Variants in USF3 observed in about 807,000 individuals in gnomAD.
USF3 encodes basic helix-loop-helix domain-containing protein USF3.
A neutral mutation model predicts 157.5 loss-of-function variants in USF3; 29 were observed. The ratio of observed to expected loss-of-function variants is 0.18; its 90% CI spans 0.14 to 0.25. The LOEUF (loss-of-function observed/expected upper bound fraction) is 0.25. USF3 is among the 10% of genes least tolerant of loss of function. USF3 has a pLI of 1.00. For synonymous variants in USF3, 893 were observed against 941.4 expected (o/e 0.95, Z 0.94); for missense variants, 2,381 against 2,667.6 (o/e 0.89, Z 2.37).
chr3:113,663,491 A>G lies in USF3; in HGVS notation c.256+822T>C, dbSNP rs1331674490. Among the ~76,000 whole-genome samples, 10 of 152,356 alleles carry G rather than the reference A, an allele frequency of 6.6e-5. No homozygotes were observed. In the East Asian group the frequency reaches 9.6e-4, roughly 15 times the overall value. On this transcript the variant is annotated intron_variant, in intron 6 of 6. Coordinates refer to ENST00000316407, the MANE Select transcript of USF3 (RefSeq NM_001009899.4). ...GCTGCTAATATTTAACTAAAAGTAA[A>G]CAAGGAGAATTCTGAATGCTGACCT...
At chr3:113,683,562 G>A (rs575814631) in intron 1 of USF3, among the ~76,000 whole-genome samples, 23 of 134,620 alleles carry the variant, frequency 1.7e-4, no homozygotes, top group Non-Finnish European at 2.5e-4. Flanking sequence ...TCCACCTCCC[G>A]GATTCAAGCA....
intron 1 of USF3, among the ~76,000 whole-genome samples, chr3:113,690,453 CA>C (rs1242258071): frequency 6.6e-6 from 1 of 152,172 alleles, no homozygotes; most frequent in African/African-American, 2.4e-5. Flanking sequence ...GCATCATATC[CA>C]AACTCCAGGT....
chr3:113,682,127 C>T (rs1707446609), intron 1 of USF3, among the ~76,000 whole-genome samples: 1 of 152,088 alleles, frequency 6.6e-6, no homozygotes, highest in South Asian at 2.1e-4. Flanking sequence ...AGTTCAAGAC[C>T]AGCCTAGGCA....
In USF3 at chr3:113,656,304, G is replaced by C. The variant is rs1947357007; in HGVS notation, c.5378C>G (p.Ser1793Cys). Residue 1793 changes from serine to cysteine, a missense_variant, in exon 7 of 7, where the codon TCT becomes TGT. Around this residue, in one of 6 missense-constraint regions of USF3, gnomAD observed 770 missense variants for 824.2 expected, o/e 0.93. Transcript: ENST00000316407. ...TGGGATGCTCTGAACTGGTGGGTAA[G>C]ATAATCTCTTTTGACGGTCAATTGG... ...PPPIDRQKRL[S>C]YPPVQSIPTG... 4 of 1,614,182 alleles carry C rather than the reference G, an allele frequency of 2.5e-6. No individual in the cohort carries two copies. The highest frequency in any genetic ancestry group is 3.4e-6 in the Non-Finnish European group (4 of 1,180,020).
At chr3:113,695,071 C>T (rs79019066) in intron 1 of USF3, among the ~76,000 whole-genome samples, 2,034 of 152,242 alleles carry the variant, frequency 0.013, 47 homozygotes, top group Admixed American at 0.035. Context: ...AGTTTACGAA[C>T]TTGTCTTCTT....
At position 113,665,474 on chromosome 3, in the gene USF3, T is replaced by C. The variant is rs1947549583; in HGVS notation, c.160-1065A>G. 3.9e-5 allele frequency among the ~76,000 whole-genome samples: 6 copies of C among 152,256 alleles called. No homozygotes were observed. In the South Asian group the frequency reaches 8.3e-4, roughly 21 times the overall value. On this transcript the variant is annotated intron_variant, in intron 5 of 6. Coordinates refer to ENST00000316407, the MANE Select transcript of USF3 (RefSeq NM_001009899.4). The stretch of plus-strand genomic sequence containing the variant: ...AAGCTTTTTCAAAAAGATTGTACGT[T>C]ATGTTAAAGTATTCCTTTATTCTCA...
intron 2 of USF3, 100 bp downstream of exon 2, chr3:113,677,182 A>G (rs972637678): frequency 2.0e-5 from 3 of 152,212 alleles, no homozygotes; most frequent in Non-Finnish European, 4.4e-5. Flanking sequence ...TGAAGTACCT[A>G]TCAGCCTAAA....
intron 5 of USF3, among the ~76,000 whole-genome samples, chr3:113,668,875 T>C (rs2107936317): frequency 6.6e-6 from 1 of 152,220 alleles, no homozygotes; most frequent in African/African-American, 2.4e-5. Context: ...AGAGGTCAAC[T>C]GGTTGAGAAT....
chr3:113,655,150 T>C lies in USF3; in HGVS notation c.6532A>G (p.Met2178Val). ...SFPLLPDMPP[M>V]HMTNSHLSNF... ...GATAAGTGAGAGTTGGTCATGTGCA[T>C]TGGTGGCATATCTGGGAGAAGAGGA... Residue 2178 changes from methionine (M) to valine (V), a missense_variant, in exon 7 of 7, where the codon ATG becomes GTG. Around this residue, in one of 6 missense-constraint regions of USF3, gnomAD observed 770 missense variants for 824.2 expected, o/e 0.93. Transcript: ENST00000316407. 6.2e-7 allele frequency: 1 copy of C among 1,614,180 alleles called. No individual in the cohort carries two copies.
chr3:113,648,898 G>GTA lies in USF3; in HGVS notation c.*6044_*6045dup, dbSNP rs1560165811. 6.6e-6 allele frequency: 1 copy of GTA among 151,204 alleles called. No individual in the cohort carries two copies. Among genetic ancestry groups the GTA allele is most frequent in the African/African-American group, 2.4e-5 (1 of 40,852 alleles). The allele number at this position is 151,204 out of a possible 1,614,324, so 9.4% of individuals were successfully genotyped here. A position where few individuals can be genotyped will look rare whatever the true frequency, so the allele number is the denominator to read the frequency against. ...CCAAAGTGAAAATATATATATATAT[G>GTA]TATATATATTTATATAGCCTGCTGA... On this transcript the variant is annotated 3_prime_UTR_variant, in exon 7 of 7. Coordinates refer to ENST00000316407, the MANE Select transcript of USF3 (RefSeq NM_001009899.4).
chr3:113,688,106 G>A (rs1453801722), intron 1 of USF3, among the ~76,000 whole-genome samples: 1 of 151,992 alleles, frequency 6.6e-6, no homozygotes, highest in African/African-American at 2.4e-5. Context: ...CCATCTGCAG[G>A]GAAGGCCCCC....
chr3:113,664,351 T>C lies in USF3; in HGVS notation c.218A>G (p.Asn73Ser). The change falls in exon 6 of 7, where the codon AAT becomes AGT. Residue 73 changes from asparagine (N) to serine (S), a missense_variant. By Grantham distance (46) the Asn-to-Ser change is conservative (BLOSUM62 1). Coordinates refer to ENST00000316407, the MANE Select transcript of USF3 (RefSeq NM_001009899.4). Reference sequence around the variant, plus strand: ...TCCTCCATTAAGCAGGAGTTCATCATTTTGCCTTTTCAATTCTGTTATATA... The same window carrying C: ...TCCTCCATTAAGCAGGAGTTCATCACTTTGCCTTTTCAATTCTGTTATATA... Reference protein sequence around the residue: ...FKYITELKRQNDELLLNGGNN... With the variant: ...FKYITELKRQSDELLLNGGNN... 4.3e-6 allele frequency: 7 copies of C among 1,609,558 alleles called. No homozygotes were observed. The highest frequency in any genetic ancestry group is 4.2e-6 in the Non-Finnish European group (5 of 1,176,900).
chr3:113,666,523 G>A (rs1051609350), intron 5 of USF3, among the ~76,000 whole-genome samples: 1 of 148,552 alleles, frequency 6.7e-6, no homozygotes, highest in African/African-American at 2.5e-5. Context: ...AAAGTGGTGG[G>A]ATTACAGGTG....
rs558506279 is a variant in USF3 at position 113,692,098 on chromosome 3, C to T, written c.-135+4272G>A. On this transcript the variant is annotated intron_variant, in intron 1 of 6. Coordinates refer to ENST00000316407, the MANE Select transcript of USF3 (RefSeq NM_001009899.4). Reference sequence around the variant, plus strand: ...CTTGCATGTGTGGTTCAGAATAGGGCTCGCACTCCTATGATAATCTAATGC... The same window carrying T: ...CTTGCATGTGTGGTTCAGAATAGGGTTCGCACTCCTATGATAATCTAATGC... Among the ~76,000 whole-genome samples, 22 of 152,228 alleles carry T rather than the reference C, an allele frequency of 1.4e-4. 1 individual carries two copies. The South Asian group carries it at 2.5e-3, about 17-fold the overall frequency.
In USF3 at chr3:113,657,483, C is replaced by T. The variant is rs765208523; in HGVS notation, c.4199G>A (p.Arg1400Gln). Residue 1400 changes from arginine (R) to glutamine (Q), a missense_variant, in exon 7 of 7, where the codon CGA (arginine) becomes CAA (glutamine). By Grantham distance (43) the Arg-to-Gln change is conservative. Transcript: ENST00000316407. ...AAAGTTGTTACTAGGTGGAAATAAT[C>T]GTGTAAGGCCATCTCCATGAGCTGG... ...SNPAHGDGLTRLFPPSNNFVT... is the reference protein window; with the variant it reads ...SNPAHGDGLTQLFPPSNNFVT... 9.3e-6 allele frequency: 15 copies of T among 1,613,990 alleles called. No individual in the cohort carries two copies. In the East Asian group the frequency reaches 1.1e-4, roughly 12 times the overall value.
chr3:113,663,792 G>A (rs1947523131), intron 6 of USF3, among the ~76,000 whole-genome samples: 1 of 152,312 alleles, frequency 6.6e-6, no homozygotes, highest in African/African-American at 2.4e-5. Flanking sequence ...CTCATTTGAT[G>A]GCATTAAAAA....
intron 1 of USF3, among the ~76,000 whole-genome samples, chr3:113,680,570 G>A (rs998103932): frequency 2.3e-4 from 35 of 152,100 alleles, no homozygotes; most frequent in African/African-American, 8.4e-4. Context: ...CCAGCACTTT[G>A]GGAGGCCAAG....
In USF3 at chr3:113,652,108, A is replaced by AGAGTGTGTGTGTGTGTGTGTGT. The variant is rs1266464109; in HGVS notation, c.*2835_*2836insACACACACACACACACACACTC. On this transcript the variant is annotated 3_prime_UTR_variant, in exon 7 of 7. Coordinates refer to ENST00000316407, the MANE Select transcript of USF3 (RefSeq NM_001009899.4). Reference sequence around the variant, plus strand: ...TGGAGAGAGAGAGAGAGAGAGAGAGAGTGTGTGTGTGTGTGTGTGTGTGTG... The same window carrying AGAGTGTGTGTGTGTGTGTGTGT: ...TGGAGAGAGAGAGAGAGAGAGAGAGAGAGTGTGTGTGTGTGTGTGTGTGTGTGTGTGTGTGTGTGTGTGTGTG... 7.0e-6 allele frequency: 1 copy of AGAGTGTGTGTGTGTGTGTGTGT among 141,978 alleles called. No homozygotes were observed. Among genetic ancestry groups the AGAGTGTGTGTGTGTGTGTGTGT allele is most frequent in the African/African-American group, 2.6e-5 (1 of 38,276 alleles). 8.8% of individuals were successfully genotyped at this position (141,978 alleles called of 1,614,324 possible).
chr3:113,670,251 A>T (rs749188423), intron 4 of USF3, 48 bp from the exon 5 acceptor site: 2 of 1,083,086 alleles, frequency 1.8e-6, no homozygotes, highest in Non-Finnish European at 2.9e-6. Context: ...ACTTAGTCAA[A>T]GTGCCCTCAT....
Sources: allele counts gnomAD v4.1 joint callset (sites outside exome capture counted in the v4.1 genomes callset), GRCh38; gene constraint gnomAD v4.1.1; regional missense constraint gnomAD v4.1.1; transcripts MANE v1.5; gene names NCBI Gene and HGNC (gene_info 2026-07-23, HGNC 2026-07-21).